Variants in ZFAT observed in about 807,000 individuals in gnomAD.
ZFAT encodes zinc finger protein ZFAT.
In ZFAT, 64 loss-of-function variants were observed where a neutral mutation model predicts 117.7. That is an observed-to-expected ratio of 0.54 (90% CI 0.44 to 0.67). The LOEUF is 0.67. Ranked by LOEUF, ZFAT falls within the 30% of genes least tolerant of loss-of-function variation. The pLI, the probability that ZFAT is intolerant of heterozygous loss-of-function variation, is 0.00. For missense variants in ZFAT, 1,433 were observed against 1,584.5 expected (o/e 0.90, Z 1.62); for synonymous variants, 679 against 615.0 (o/e 1.10, Z -1.54).
intron 8 of ZFAT, 101 bp from the exon 9 acceptor site, chr8:134,588,496 G>C: frequency 7.7e-7 from 1 of 1,306,240 alleles, no homozygotes; most frequent in Non-Finnish European, 1.0e-6. Context: ...AGGAATCAAG[G>C]TGTGCCTCAT....
intron 1 of ZFAT, among the ~76,000 whole-genome samples, chr8:134,700,979 G>A (rs981572163): frequency 2.0e-5 from 3 of 152,070 alleles, no homozygotes; most frequent in East Asian, 1.9e-4. Flanking sequence ...TTCAGTCAGT[G>A]CCCTCACCCC....
intron 2 of ZFAT, among the ~76,000 whole-genome samples, chr8:134,641,728 A>G (rs1830594935): frequency 6.6e-6 from 1 of 152,236 alleles, no homozygotes; most frequent in South Asian, 2.1e-4. Context: ...TTGATGATAG[A>G]AAAAGAAATA....
the ZFAT span, among the ~76,000 whole-genome samples, chr8:134,822,536 C>T: frequency 2.0e-5 from 3 of 152,140 alleles, no homozygotes; most frequent in African/African-American, 7.2e-5. Flanking sequence ...TTTCAAAACA[C>T]ATTTCCTTCC....
chr8:134,679,947 G>A (rs1326080144), intron 1 of ZFAT, among the ~76,000 whole-genome samples: 2 of 151,072 alleles, frequency 1.3e-5, no homozygotes, highest in African/African-American at 4.9e-5. Flanking sequence ...GGGGGTTGGG[G>A]GTTGGGGAGG....
the ZFAT span, among the ~76,000 whole-genome samples, chr8:134,773,984 A>ATTTT: frequency 2.3e-4 from 24 of 103,294 alleles, no homozygotes; most frequent in African/African-American, 2.7e-4. Flanking sequence ...TTGAGGATTA[A>ATTTT]TTTTTTTTTT....
At chr8:134,652,737 C>A (rs966926020) in intron 2 of ZFAT, among the ~76,000 whole-genome samples, 1 of 152,106 alleles carries the variant, frequency 6.6e-6, no homozygotes, top group Non-Finnish European at 1.5e-5. Context: ...TTTTGTCTAT[C>A]AAATTGGCAA....
chr8:134,780,588 T>A, the ZFAT span, among the ~76,000 whole-genome samples: 4 of 152,260 alleles, frequency 2.6e-5, no homozygotes, highest in Non-Finnish European at 5.9e-5. Flanking sequence ...AAATCGGGGT[T>A]CAAATGCTAG....
chr8:134,512,674 C>T (rs1191629416), intron 13 of ZFAT, 73 bp from the exon 14 acceptor site: 22 of 1,550,758 alleles, frequency 1.4e-5, no homozygotes, highest in Non-Finnish European at 1.9e-5. Flanking sequence ...AGATAACATA[C>T]TAAGATAGAA....
chr8:134,539,688 C>A (rs1010811650), intron 11 of ZFAT, among the ~76,000 whole-genome samples: 2 of 152,216 alleles, frequency 1.3e-5, no homozygotes, highest in Non-Finnish European at 2.9e-5. Flanking sequence ...TTATGACCTA[C>A]ATGAAGTGGA....
At chr8:134,714,351 G>A (rs1486327224), upstream of ZFAT, among the ~76,000 whole-genome samples, 2 of 152,156 alleles carry the variant, frequency 1.3e-5, no homozygotes, top group Admixed American at 6.5e-5. Flanking sequence ...TGTTTGCACA[G>A]CGTTCATCCT....
chr8:134,700,035 T>TG (rs1250121055), intron 1 of ZFAT, among the ~76,000 whole-genome samples: 2 of 152,220 alleles, frequency 1.3e-5, no homozygotes, highest in Non-Finnish European at 2.9e-5. Flanking sequence ...CTGCCTCTGA[T>TG]GGAGTCTTAG....
At chr8:134,535,749 C>A (rs771131872) in intron 11 of ZFAT, among the ~76,000 whole-genome samples, 1 of 151,748 alleles carries the variant, frequency 6.6e-6, no homozygotes, top group Admixed American at 6.6e-5. Flanking sequence ...CTATCTAGTG[C>A]GCAGAGAACA....
At chr8:134,494,506 C>G (rs1458577932) in intron 15 of ZFAT, among the ~76,000 whole-genome samples, 1 of 152,202 alleles carries the variant, frequency 6.6e-6, no homozygotes, top group African/African-American at 2.4e-5. Flanking sequence ...TCTTCTCCCC[C>G]TAATTAAGCA....
chr8:134,616,703 G>A (rs1828759953), intron 3 of ZFAT, among the ~76,000 whole-genome samples: 2 of 152,176 alleles, frequency 1.3e-5, no homozygotes, highest in South Asian at 4.1e-4. Flanking sequence ...CATGGCTGCT[G>A]CATTCAGTCA....
the ZFAT span, chr8:134,794,132 T>C: frequency 4.6e-5 from 7 of 152,338 alleles, no homozygotes; most frequent in African/African-American, 1.7e-4. Context: ...CATTAGCACT[T>C]AGAGCTATCT....
intron 2 of ZFAT, among the ~76,000 whole-genome samples, chr8:134,644,513 C>T (rs1407314939): frequency 6.6e-6 from 1 of 151,858 alleles, no homozygotes; most frequent in African/African-American, 2.4e-5. Flanking sequence ...CACAATCATA[C>T]ACACATACAC....
chr8:134,534,566 G>A (rs1821676774), intron 11 of ZFAT, among the ~76,000 whole-genome samples: 2 of 150,578 alleles, frequency 1.3e-5, no homozygotes, highest in African/African-American at 2.5e-5. Flanking sequence ...GAGAAGGAGA[G>A]GAGGAGGAAG....
At chr8:134,674,944 T>C (rs1053432749) in intron 1 of ZFAT, 4 of 153,072 alleles carry the variant, frequency 2.6e-5, no homozygotes, top group African/African-American at 9.7e-5. Flanking sequence ...AATGGAATAG[T>C]ATCAGCATCA....
At chr8:134,586,705 G>A (rs369874172) in intron 9 of ZFAT, among the ~76,000 whole-genome samples, 1 of 152,198 alleles carries the variant, frequency 6.6e-6, no homozygotes, top group East Asian at 1.9e-4. Context: ...AACAACACGT[G>A]TATATACACA....
Sources: gnomAD v4.1 joint callset for allele counts (sites outside exome capture counted in the v4.1 genomes callset) on GRCh38, gnomAD v4.1.1 for gene constraint, MANE v1.5 for transcripts, NCBI Gene and HGNC (gene_info 2026-07-23, HGNC 2026-07-21) for gene names.